RASGRF2: variants seen among roughly 807,000 people sequenced by gnomAD.
RASGRF2 encodes the protein Ras protein specific guanine nucleotide releasing factor 2.
RASGRF2 carries 76 observed loss-of-function variants against 151.0 expected under a neutral mutation model. The observed-to-expected ratio is 0.50, with a 90% CI of 0.42 to 0.61. The LOEUF (loss-of-function observed/expected upper bound fraction) is 0.61, where lower values mean the gene tolerates loss of function less well. Ranked by LOEUF, RASGRF2 falls within the 20% of genes least tolerant of loss-of-function variation. The pLI is 0.00. For missense variants in RASGRF2, 1,148 were observed against 1,564.6 expected (o/e 0.73, Z 4.49); for synonymous variants, 504 against 566.5 (o/e 0.89, Z 1.57).
At chr5:81,015,838 G>A (rs1749617494) in intron 1 of RASGRF2, among the ~76,000 whole-genome samples, 2 of 152,128 alleles carry the variant, frequency 1.3e-5, no homozygotes, top group Admixed American at 1.3e-4. Context: ...TGCAAAAAAT[G>A]AAACAATGTT....
chr5:81,056,426 A>G (rs1289031391), intron 2 of RASGRF2, among the ~76,000 whole-genome samples: 1 of 152,160 alleles, frequency 6.6e-6, no homozygotes, highest in Non-Finnish European at 1.5e-5. Context: ...GTTTCCATGT[A>G]GTTGAGCGGT....
At chr5:81,216,857 A>AGTT (rs1755751536) in intron 24 of RASGRF2, 1 of 368,572 alleles carries the variant, frequency 2.7e-6, no homozygotes, top group African/African-American at 2.1e-5. Flanking sequence ...CCTTAGTCTG[A>AGTT]GTTGTGATGT....
At chr5:81,053,727 T>A (rs1183867008) in intron 2 of RASGRF2, among the ~76,000 whole-genome samples, 2 of 152,202 alleles carry the variant, frequency 1.3e-5, no homozygotes, top group African/African-American at 4.8e-5. Context: ...GTTGAACTAG[T>A]TTACAGTCCC....
intron 17 of RASGRF2, among the ~76,000 whole-genome samples, chr5:81,168,513 AT>A (rs1754568617): frequency 6.6e-6 from 1 of 151,596 alleles, no homozygotes; most frequent in African/African-American, 2.4e-5. Context: ...GTTTCACCAT[AT>A]TGGTCAGGCT....
At chr5:81,004,808 T>A (rs1251521511) in intron 1 of RASGRF2, among the ~76,000 whole-genome samples, 1 of 152,182 alleles carries the variant, frequency 6.6e-6, no homozygotes, top group African/African-American at 2.4e-5. Flanking sequence ...ATGGAAAAGG[T>A]ACAGATGCCC....
intron 17 of RASGRF2, among the ~76,000 whole-genome samples, chr5:81,153,027 G>A (rs947008223): frequency 3.3e-5 from 5 of 152,246 alleles, no homozygotes; most frequent in African/African-American, 1.2e-4. Flanking sequence ...GTGATTCTGG[G>A]TGGGGCATGG....
chr5:80,986,148 A>G (rs772647664), intron 1 of RASGRF2, among the ~76,000 whole-genome samples: 2 of 152,240 alleles, frequency 1.3e-5, no homozygotes, highest in Non-Finnish European at 2.9e-5. Flanking sequence ...GCCATCACAT[A>G]GTCTATATCT....
At chr5:81,178,173 CAG>C (rs1754816746) in intron 17 of RASGRF2, among the ~76,000 whole-genome samples, 1 of 152,210 alleles carries the variant, frequency 6.6e-6, no homozygotes, top group African/African-American at 2.4e-5. Context: ...TTACAGTAGA[CAG>C]AGTTGCTGGT....
At chr5:81,123,544 T>C in intron 15 of RASGRF2, 98 bp from the exon 16 acceptor site, 1 of 1,385,536 alleles carries the variant, frequency 7.2e-7, no homozygotes, top group South Asian at 1.4e-5. Context: ...AATGAAATGC[T>C]TATTATCTGT....
At chr5:81,008,028 G>T (rs1005232780) in intron 1 of RASGRF2, among the ~76,000 whole-genome samples, 5 of 151,942 alleles carry the variant, frequency 3.3e-5, no homozygotes, top group African/African-American at 1.2e-4. Context: ...CTTTCTGATA[G>T]GCCAAAATTG....
At chr5:81,157,330 TG>T (rs1342618385) in intron 17 of RASGRF2, among the ~76,000 whole-genome samples, 1 of 146,368 alleles carries the variant, frequency 6.8e-6, no homozygotes, top group African/African-American at 2.6e-5. Flanking sequence ...CACTCCAGCC[TG>T]GGTGACAGAG....
At chr5:81,144,933 TG>T (rs1753969571) in intron 17 of RASGRF2, among the ~76,000 whole-genome samples, 2 of 151,986 alleles carry the variant, frequency 1.3e-5, no homozygotes, top group Admixed American at 1.3e-4. Context: ...AATGCACACT[TG>T]ATGTTTAAAA....
chr5:81,163,337 G>A (rs1183809676), intron 17 of RASGRF2, among the ~76,000 whole-genome samples: 1 of 152,150 alleles, frequency 6.6e-6, no homozygotes, highest in African/African-American at 2.4e-5. Context: ...CCAAAGTACA[G>A]AGAGGAACGC....
At chr5:81,157,839 C>T (rs971326380) in intron 17 of RASGRF2, among the ~76,000 whole-genome samples, 3 of 152,204 alleles carry the variant, frequency 2.0e-5, no homozygotes, top group Admixed American at 6.5e-5. Context: ...CTGTGATTCA[C>T]TTATCTCCCA....
At chr5:81,214,510 A>G (rs1030727612) in intron 23 of RASGRF2, among the ~76,000 whole-genome samples, 4 of 152,248 alleles carry the variant, frequency 2.6e-5, no homozygotes, top group Non-Finnish European at 5.9e-5. Flanking sequence ...TGGAACCCAC[A>G]GACTGGTCTG....
chr5:81,209,967 C>G lies in RASGRF2; in HGVS notation c.3156+1529C>G. On this transcript the variant is annotated intron_variant, in intron 22 of 26. Coordinates refer to ENST00000265080, the MANE Select transcript of RASGRF2 (RefSeq NM_006909.3). ...CTTACCAGCTCACCCTTACCACTGCCCAACATATTTGCAAACTCTAAATCT... is the reference window on the plus strand; with the variant it reads ...CTTACCAGCTCACCCTTACCACTGCGCAACATATTTGCAAACTCTAAATCT... The G allele has an allele frequency of 1.3e-5, 2 of 152,578 alleles. 1 individual carries two copies. Among genetic ancestry groups the G allele is most frequent in the Non-Finnish European group, 2.9e-5 (2 of 68,262 alleles). The allele number at this position is 152,578 out of a possible 1,614,324, so 9.5% of individuals were successfully genotyped here. A position where few individuals can be genotyped will look rare whatever the true frequency, so the allele number is the denominator to read the frequency against.
At chr5:81,030,854 G>A (rs1204526895) in intron 1 of RASGRF2, among the ~76,000 whole-genome samples, 1 of 152,140 alleles carries the variant, frequency 6.6e-6, no homozygotes, top group Non-Finnish European at 1.5e-5. Flanking sequence ...ACACAGACTG[G>A]CAAATGGATA....
chr5:81,167,220 A>G (rs1273745426), intron 17 of RASGRF2, among the ~76,000 whole-genome samples: 3 of 152,204 alleles, frequency 2.0e-5, no homozygotes, highest in Non-Finnish European at 4.4e-5. Flanking sequence ...AGAAATTCCT[A>G]CTTAACACAG....
At chr5:81,057,853 A>T (rs964870602) in intron 2 of RASGRF2, among the ~76,000 whole-genome samples, 1 of 151,984 alleles carries the variant, frequency 6.6e-6, no homozygotes, top group East Asian at 1.9e-4. Flanking sequence ...AAAATTAGCC[A>T]GGCCTGGTGG....
Sources: allele counts gnomAD v4.1 joint callset (sites outside exome capture counted in the v4.1 genomes callset), GRCh38; gene constraint gnomAD v4.1.1; transcripts MANE v1.5; gene names NCBI Gene and HGNC (gene_info 2026-07-23, HGNC 2026-07-21).